The following DSC1 variants were observed in gnomAD, a reference collection of about 807,000 sequenced individuals.
The protein encoded by DSC1 is desmocollin 1.
DSC1 carries 79 observed loss-of-function variants against 98.8 expected under a neutral mutation model. That is an observed-to-expected ratio of 0.80 (90% CI 0.67 to 0.96). DSC1 has a LOEUF of 0.96. DSC1 is among the 50% of genes least tolerant of loss of function. DSC1 has a pLI of 0.00. For synonymous variants in DSC1, 405 were observed against 372.1 expected (o/e 1.09, Z -1.02); for missense variants, 1,115 against 1,075.9 (o/e 1.04, Z -0.51).
Position 31,155,388 on chromosome 18 carries a change from G to A in DSC1, c.472-459C>T, listed in dbSNP as rs140158834. On this transcript the variant is annotated intron_variant, in intron 4 of 15. Transcript: ENST00000257198. Reference sequence around the variant, plus strand: ...CTCACACCTGTAATCCCAGCACTTTGGGAGGCCTAGGCAGGTGAATCACCT... The same window carrying A: ...CTCACACCTGTAATCCCAGCACTTTAGGAGGCCTAGGCAGGTGAATCACCT... Among the ~76,000 whole-genome samples the A allele has an allele frequency of 7.9e-3, 1,203 of 152,206 alleles. 16 individuals carry two copies. Among genetic ancestry groups the A allele is most frequent in the African/African-American group, 0.027 (1,116 of 41,512 alleles).
chr18:31,130,471 C>T lies in DSC1; in HGVS notation c.*43G>A. The T allele has an allele frequency of 1.9e-6, 3 of 1,599,822 alleles. No individual in the cohort carries two copies. The highest frequency in any genetic ancestry group is 4.5e-5 in the East Asian group (2 of 44,690). On this transcript the variant is annotated 3_prime_UTR_variant, in exon 16 of 16. Transcript: ENST00000257198. ...GCTAACATTCTGCAAGTAATAAATT[C>T]CTACTTATGCATCTGTGGATATTAC...
intron 2 of DSC1, 121 bp from the exon 3 acceptor site, chr18:31,157,694 G>A: frequency 1.0e-6 from 1 of 997,126 alleles, no homozygotes. Flanking sequence ...CATTTGGAAT[G>A]TGCTCAGCAC....
At chr18:31,145,873 C>G in intron 6 of DSC1, 96 bp from the exon 7 acceptor site, 1 of 1,310,254 alleles carries the variant, frequency 7.6e-7, no homozygotes. Context: ...AAATTCTCCC[C>G]CAAACCACAA....
At chr18:31,152,152 A>G (rs1989012343) in intron 5 of DSC1, among the ~76,000 whole-genome samples, 1 of 148,494 alleles carries the variant, frequency 6.7e-6, no homozygotes, top group Admixed American at 7.0e-5. Flanking sequence ...ACAGAGTGAC[A>G]CCCTATATCA....
At chr18:31,159,592 G>C (rs1250532190) in intron 1 of DSC1, 63 bp from the exon 2 acceptor site, 1 of 1,420,710 alleles carries the variant, frequency 7.0e-7, no homozygotes, top group East Asian at 2.4e-5. Context: ...TCACATTGTA[G>C]CTTTTTCTTA....
chr18:31,130,458 C>T lies in DSC1; in HGVS notation c.*56G>A. ...ATTAGCAGATGCTGCTAACATTCTG[C>T]AAGTAATAAATTCCTACTTATGCAT... is the stretch of plus-strand genomic sequence containing the variant. On this transcript the variant is annotated 3_prime_UTR_variant, in exon 16 of 16. Transcript: ENST00000257198. 6.3e-7 allele frequency: 1 copy of T among 1,588,522 alleles called. No individual in the cohort carries two copies. The highest frequency in any genetic ancestry group is 1.3e-5 in the African/African-American group (1 of 74,226).
chr18:31,162,663 A>C lies in DSC1; in HGVS notation c.-69T>G. 2 of 1,419,864 alleles carry C rather than the reference A, an allele frequency of 1.4e-6. No homozygotes were observed. The highest frequency in any genetic ancestry group is 2.0e-6 in the Non-Finnish European group (2 of 1,005,726). The allele number at this position is 1,419,864 out of a possible 1,614,324, so 88.0% of individuals were successfully genotyped here. On this transcript the variant is annotated 5_prime_UTR_variant, in exon 1 of 16. Transcript: ENST00000257198. ...GCAGCCTGGGATGCACAGAGCGGCTAAGAAGACGCTGGCACTTGCACAGGG... is the reference window on the plus strand; with the variant it reads ...GCAGCCTGGGATGCACAGAGCGGCTCAGAAGACGCTGGCACTTGCACAGGG...
chr18:31,130,183 T>A lies in DSC1; in HGVS notation c.*331A>T, dbSNP rs1988453768. ...ATTCATCTTTCATTGGCCTCTATAA[T>A]ACCCAGCTTTCCCAAATGCTCTTCC... On this transcript the variant is annotated 3_prime_UTR_variant, in exon 16 of 16. Coordinates refer to ENST00000257198, the MANE Select transcript of DSC1 (RefSeq NM_024421.2). The A allele has an allele frequency of 4.2e-6, 1 of 238,848 alleles. No homozygotes were observed. The allele number at this position is 238,848 out of a possible 1,614,324, so 14.8% of individuals were successfully genotyped here.
chr18:31,138,009 G>GTGTGTGT (rs1567997626), intron 11 of DSC1, among the ~76,000 whole-genome samples: 3 of 142,540 alleles, frequency 2.1e-5, no homozygotes, highest in South Asian at 2.3e-4. Flanking sequence ...GTGTGTGTGT[G>GTGTGTGT]GATTAAAGTT....
chr18:31,145,927 T>A, intron 6 of DSC1, 150 bp from the exon 7 acceptor site: 1 of 871,310 alleles, frequency 1.1e-6, no homozygotes, highest in Non-Finnish European at 1.7e-6. Flanking sequence ...GAAACTGTTC[T>A]AAATGTCTCC....
In DSC1 at chr18:31,131,849, G is replaced by T; in HGVS notation, c.2239-7C>A. 1 of 1,613,336 alleles carries T rather than the reference G, an allele frequency of 6.2e-7. No homozygotes were observed. Among genetic ancestry groups the T allele is most frequent in the Non-Finnish European group, 8.5e-7 (1 of 1,179,438 alleles). On this transcript the variant is annotated splice_polypyrimidine_tract_variant and splice_region_variant and intron_variant, in intron 14 of 15. Transcript: ENST00000257198. ...GGAGTCTAATATTTGCTTCCTAAAAGTAAAGTGAGAGTGATAAAGTGAATT... is the reference window on the plus strand; with the variant it reads ...GGAGTCTAATATTTGCTTCCTAAAATTAAAGTGAGAGTGATAAAGTGAATT...
chr18:31,154,937 A>C lies in DSC1; in HGVS notation c.472-8T>G. 6.2e-7 allele frequency: 1 copy of C among 1,611,596 alleles called. No homozygotes were observed. Among genetic ancestry groups the C allele is most frequent in the South Asian group, 1.1e-5 (1 of 90,402 alleles). ...TGCAGCATCAGATTGGATCTGCAGT[A>C]ATAATTTAGGAATAGAACAAATACG... On this transcript the variant is annotated splice_polypyrimidine_tract_variant and splice_region_variant and intron_variant, in intron 4 of 15. Coordinates refer to ENST00000257198, the MANE Select transcript of DSC1 (RefSeq NM_024421.2).
chr18:31,162,279 G>A (rs1219516311), intron 1 of DSC1, among the ~76,000 whole-genome samples: 1 of 152,154 alleles, frequency 6.6e-6, no homozygotes, highest in Non-Finnish European at 1.5e-5. Context: ...CACCACAGCA[G>A]GATGGAAGAG....
intron 4 of DSC1, among the ~76,000 whole-genome samples, chr18:31,155,295 G>A (rs1989074660): frequency 6.6e-6 from 1 of 152,136 alleles, no homozygotes; most frequent in Admixed American, 6.6e-5. Flanking sequence ...AATAAAACTA[G>A]AAGTAAAGCA....
intron 11 of DSC1, among the ~76,000 whole-genome samples, chr18:31,137,320 T>C (rs970830049): frequency 6.6e-6 from 1 of 152,152 alleles, no homozygotes; most frequent in Non-Finnish European, 1.5e-5. Context: ...AAAATCCTTC[T>C]TACAGAAGGG....
chr18:31,147,329 A>C (rs764724632), intron 6 of DSC1, among the ~76,000 whole-genome samples: 1 of 152,154 alleles, frequency 6.6e-6, no homozygotes, highest in Non-Finnish European at 1.5e-5. Flanking sequence ...ACATATGTAC[A>C]TGGTAAAAAT....
chr18:31,150,049 C>CCAT (rs1988930339), intron 5 of DSC1, among the ~76,000 whole-genome samples: 1 of 137,652 alleles, frequency 7.3e-6, no homozygotes, highest in African/African-American at 2.7e-5. Flanking sequence ...ATCATCACCA[C>CCAT]CACCACCACC....
intron 14 of DSC1, chr18:31,132,317 C>T: frequency 2.5e-6 from 1 of 400,596 alleles, no homozygotes; most frequent in Non-Finnish European, 4.4e-6. Context: ...ACACCTTGAT[C>T]TCTGATTTCT....
rs773516560 is a variant in DSC1 at position 31,148,520 on chromosome 18, A to G, written c.750T>C (p.Thr250=). The G allele has an allele frequency of 1.9e-6, 3 of 1,606,680 alleles. No individual in the cohort carries two copies. Among genetic ancestry groups the G allele is most frequent in the Admixed American group, 3.3e-5 (2 of 59,838 alleles). The change falls in exon 6 of 16, where the codon ACT becomes ACC. Residue 250 remains threonine, a synonymous_variant. Transcript: ENST00000257198. ...PYFEHRVTIF[T]VPENCRSGTS... is the part of the protein sequence containing the mutation. Reference sequence around the variant, plus strand: ...TACCGGATCGGCAATTTTCAGGCACAGTAAAGATAGTCACTCTGTGTTCAA... The same window carrying G: ...TACCGGATCGGCAATTTTCAGGCACGGTAAAGATAGTCACTCTGTGTTCAA...
Sources: gnomAD v4.1 joint callset for allele counts (sites outside exome capture counted in the v4.1 genomes callset) on GRCh38, gnomAD v4.1.1 for gene constraint, MANE v1.5 for transcripts, NCBI Gene and HGNC (gene_info 2026-07-23, HGNC 2026-07-21) for gene names.